Variants in RP1 observed in about 807,000 individuals in gnomAD.
RP1 encodes oxygen-regulated protein 1.
Under a neutral mutation model 14.8 loss-of-function variants are expected in RP1, and 16 were observed. That is an observed-to-expected ratio of 1.08 (90% CI 0.73 to 1.65). The LOEUF (loss-of-function observed/expected upper bound fraction) is 1.65, where lower values mean the gene tolerates loss of function less well. RP1 is among the 40% of genes most tolerant of loss of function. The pLI is 0.00. For missense variants in RP1, 2,631 were observed against 2,535.0 expected (o/e 1.04, Z -0.81); for synonymous variants, 876 against 883.6 (o/e 0.99, Z 0.15).
chr8:54,740,760 T>C (rs950045509), intron 19 of RP1, among the ~76,000 whole-genome samples: 1 of 151,552 alleles, frequency 6.6e-6, no homozygotes, highest in South Asian at 2.1e-4. Context: ...AAAAAGCTTA[T>C]GGGCCGGGTG....
intron 26 of RP1, chr8:54,856,993 C>T (rs2129410081): frequency 1.5e-6 from 1 of 685,704 alleles, no homozygotes; most frequent in Non-Finnish European, 2.0e-6. Flanking sequence ...AGGAAATATC[C>T]TAATGGTCAC....
chr8:54,753,637 A>G (rs1460620431), intron 19 of RP1, among the ~76,000 whole-genome samples: 1 of 152,242 alleles, frequency 6.6e-6, no homozygotes, highest in Non-Finnish European at 1.5e-5. Flanking sequence ...CAACTAGAAC[A>G]TAGCACATGA....
intron 3 of RP1, among the ~76,000 whole-genome samples, chr8:54,637,465 T>G (rs148245257): frequency 1.2e-4 from 19 of 152,304 alleles, no homozygotes; most frequent in African/African-American, 4.6e-4. Context: ...AGTTATACAT[T>G]TATAACTAGT....
At position 54,620,832 on chromosome 8, in the gene RP1, T is replaced by C. The variant is rs981026345; in HGVS notation, c.-12-123T>C. 4.1e-6 allele frequency: 4 copies of C among 965,190 alleles called. No individual in the cohort carries two copies. The African/African-American group carries it at 6.5e-5, about 16-fold the overall frequency. 59.8% of individuals were successfully genotyped at this position (965,190 alleles called of 1,614,324 possible). On this transcript the variant is annotated intron_variant, in intron 1 of 3. Coordinates refer to ENST00000220676, the MANE Select transcript of RP1 (RefSeq NM_006269.2). ...TTGATAGGTATAATGAATGAATAAA[T>C]GAATGAAAGAATAAACTTCTGTGAA...
intron 24 of RP1, among the ~76,000 whole-genome samples, chr8:54,790,446 C>A (rs1305030095): frequency 1.3e-5 from 2 of 151,782 alleles, no homozygotes; most frequent in Non-Finnish European, 2.9e-5. Flanking sequence ...GTTGTGGTAA[C>A]ATGAAACTAC....
At chr8:54,790,564 CA>C (rs34553015) in intron 24 of RP1, among the ~76,000 whole-genome samples, 230 of 135,564 alleles carry the variant, frequency 1.7e-3, no homozygotes, top group Admixed American at 3.3e-3. Context: ...CAGTGAACTT[CA>C]AAAAAAAAAA....
At chr8:54,621,648 G>A (rs1265126877) in intron 2 of RP1, 67 bp downstream of exon 2, 14 of 1,607,462 alleles carry the variant, frequency 8.7e-6, no homozygotes, top group Non-Finnish European at 8.5e-7. Flanking sequence ...GATTCGTGTG[G>A]GATATGAATG....
intron 1 of RP1, among the ~76,000 whole-genome samples, chr8:54,583,907 C>T (rs1192182327): frequency 6.6e-5 from 10 of 152,080 alleles, no homozygotes; most frequent in Non-Finnish European, 1.2e-4. Flanking sequence ...CTTTACTAGT[C>T]TTGCTAGTGG....
Position 54,838,508 on chromosome 8 carries a change from T to C in RP1, c.3835+839T>C, listed in dbSNP as rs143188604. ...GTTTGAGTGTATGTGCATGAATGCTTATATATGTATGTGCGTGACAGAATG... is the reference window on the plus strand; with the variant it reads ...GTTTGAGTGTATGTGCATGAATGCTCATATATGTATGTGCGTGACAGAATG... On this transcript the variant is annotated intron_variant, in intron 25 of 28. Transcript: ENST00000637698. 6.6e-5 allele frequency among the ~76,000 whole-genome samples: 10 copies of C among 152,314 alleles called. No homozygotes were observed. In the East Asian group the frequency reaches 1.7e-3, roughly 26 times the overall value.
At chr8:54,858,111 A>G (rs1016419715) in intron 27 of RP1, among the ~76,000 whole-genome samples, 26 of 152,168 alleles carry the variant, frequency 1.7e-4, no homozygotes, top group Admixed American at 1.1e-3. Context: ...CTGAATGAAC[A>G]TATTTAAATC....
intron 1 of RP1, among the ~76,000 whole-genome samples, chr8:54,619,000 T>C (rs1805794398): frequency 1.3e-5 from 2 of 152,196 alleles, no homozygotes; most frequent in South Asian, 2.1e-4. Context: ...TCATCCTTCT[T>C]ACAGTTGCTG....
intron 5 of RP1, among the ~76,000 whole-genome samples, chr8:54,654,525 A>T (rs987189115): frequency 3.9e-5 from 6 of 152,232 alleles, no homozygotes; most frequent in African/African-American, 1.4e-4. Flanking sequence ...ATGGGTTCTC[A>T]GGAAGCCTTT....
Position 54,767,741 on chromosome 8 carries a change from G to A in RP1, c.3249-2000G>A, listed in dbSNP as rs184910269. 3.9e-4 allele frequency among the ~76,000 whole-genome samples: 59 copies of A among 152,298 alleles called. 1 individual carries two copies. Among genetic ancestry groups the A allele is most frequent in the Admixed American group, 3.9e-3 (59 of 15,298 alleles). The stretch of plus-strand genomic sequence containing the variant: ...AACTCTTTACATACATAACAATGTA[G>A]CTGGAAAGATGGGATACATAAACCA... On this transcript the variant is annotated intron_variant, in intron 22 of 22. Coordinates refer to the RP1 transcript ENST00000636932.
rs71254587 is a variant in RP1, at chr8:54,580,988, TTTTATTTA to T, written c.-13+21674_-13+21681del. Among the ~76,000 whole-genome samples, 136 of 146,842 alleles carry T rather than the reference TTTTATTTA, an allele frequency of 9.3e-4. 1 individual carries two copies. The highest frequency in any genetic ancestry group is 9.2e-3 in the South Asian group (43 of 4,680). ...ACAATGAAATCAGGACTCAAATTCT[TTTTATTTA>T]TTTATCTATTTATTTTTTTTTATTA... On this transcript the variant is annotated intron_variant, in intron 1 of 22. Transcript: ENST00000636932.
downstream of RP1, among the ~76,000 whole-genome samples, chr8:54,770,733 A>G (rs1335242613): frequency 6.6e-6 from 1 of 151,562 alleles, no homozygotes; most frequent in East Asian, 1.9e-4. Flanking sequence ...ATTATAAATT[A>G]CAAAAATCAA....
At chr8:54,615,640 A>T (rs987380043), upstream of RP1, among the ~76,000 whole-genome samples, 1 of 152,210 alleles carries the variant, frequency 6.6e-6, no homozygotes, top group Non-Finnish European at 1.5e-5. Context: ...GTACGTTCAC[A>T]GTCATTTCAG....
intron 22 of RP1, among the ~76,000 whole-genome samples, chr8:54,769,438 T>G (rs1310636256): frequency 6.6e-6 from 1 of 152,074 alleles, no homozygotes; most frequent in Admixed American, 6.6e-5. Flanking sequence ...GGAGCCCCAG[T>G]TGCTTTTACA....
intron 19 of RP1, among the ~76,000 whole-genome samples, chr8:54,741,677 A>AAAT (rs1234747660): frequency 7.0e-6 from 1 of 142,568 alleles, no homozygotes; most frequent in African/African-American, 2.6e-5. Context: ...TAAATACCTT[A>AAAT]AATATGTACA....
chr8:54,765,286 C>T (rs1487712571), intron 22 of RP1, among the ~76,000 whole-genome samples: 2 of 152,242 alleles, frequency 1.3e-5, no homozygotes, highest in Non-Finnish European at 2.9e-5. Context: ...TCAAGACCTT[C>T]AGTGTCCACA....
Sources: allele counts gnomAD v4.1 joint callset (sites outside exome capture counted in the v4.1 genomes callset), GRCh38; gene constraint gnomAD v4.1.1; transcripts MANE v1.5; gene names NCBI Gene and HGNC (gene_info 2026-07-23, HGNC 2026-07-21).